Variants in CNTN4 observed in about 807,000 individuals in gnomAD.
The protein encoded by CNTN4 is contactin 4.
Under a neutral mutation model 122.5 loss-of-function variants are expected in CNTN4, and 77 were observed. The ratio of observed to expected loss-of-function variants is 0.63; its 90% CI spans 0.52 to 0.76. The LOEUF is 0.76. CNTN4 is among the 30% of genes least tolerant of loss of function. CNTN4 has a pLI of 0.00. For synonymous variants in CNTN4, 512 were observed against 447.0 expected, an observed-to-expected ratio of 1.15 and a Z score of -1.83; for missense variants, 1,256 against 1,259.1, an observed-to-expected ratio of 1.00 and a Z score of 0.04.
intron 3 of CNTN4, among the ~76,000 whole-genome samples, chr3:2,476,240 C>A (rs1373567642): frequency 6.6e-6 from 1 of 152,156 alleles, no homozygotes; most frequent in Non-Finnish European, 1.5e-5. Flanking sequence ...CTTGCACTTT[C>A]TGATGAAACC....
intron 3 of CNTN4, among the ~76,000 whole-genome samples, chr3:2,501,682 G>C (rs1206024178): frequency 6.6e-6 from 1 of 152,028 alleles, no homozygotes; most frequent in Admixed American, 6.6e-5. Context: ...AAGGACCCCT[G>C]TGATTATATT....
intron 4 of CNTN4, among the ~76,000 whole-genome samples, chr3:2,685,516 A>G (rs1438351675): frequency 6.6e-6 from 1 of 152,194 alleles, no homozygotes; most frequent in Non-Finnish European, 1.5e-5. Flanking sequence ...AAAGACTTAG[A>G]AAAATTGAAG....
At chr3:2,186,988 T>C (rs1275680270) in intron 2 of CNTN4, among the ~76,000 whole-genome samples, 1 of 152,228 alleles carries the variant, frequency 6.6e-6, no homozygotes, top group African/African-American at 2.4e-5. Context: ...GTTTTAGACA[T>C]GAAGTCCTTG....
chr3:2,227,232 A>G (rs1416136173), intron 2 of CNTN4, among the ~76,000 whole-genome samples: 1 of 152,142 alleles, frequency 6.6e-6, no homozygotes, highest in East Asian at 1.9e-4. Context: ...ACATTCCTAT[A>G]TTTTCACTTT....
chr3:2,960,516 T>G (rs2094841855), intron 13 of CNTN4, among the ~76,000 whole-genome samples: 1 of 152,192 alleles, frequency 6.6e-6, no homozygotes, highest in Non-Finnish European at 1.5e-5. Context: ...AATAAAACAT[T>G]TAGACCTGTA....
At chr3:2,280,444 A>T (rs1383260306) in intron 2 of CNTN4, among the ~76,000 whole-genome samples, 1 of 152,206 alleles carries the variant, frequency 6.6e-6, no homozygotes, top group African/African-American at 2.4e-5. Context: ...CAAGTAACAA[A>T]AATCTTAATT....
chr3:2,163,548 C>CAGCA (rs1409344521), intron 2 of CNTN4, among the ~76,000 whole-genome samples: 1 of 151,978 alleles, frequency 6.6e-6, no homozygotes, highest in Non-Finnish European at 1.5e-5. Context: ...AAGAAATAGT[C>CAGCA]AGCAAGTAAA....
chr3:2,442,190 G>A (rs1445164505), intron 3 of CNTN4, among the ~76,000 whole-genome samples: 1 of 152,068 alleles, frequency 6.6e-6, no homozygotes, highest in African/African-American at 2.4e-5. Context: ...CAGTTCCTAT[G>A]TCATTTTGGT....
chr3:2,570,478 T>G (rs1014594843), intron 3 of CNTN4, among the ~76,000 whole-genome samples: 3 of 152,166 alleles, frequency 2.0e-5, no homozygotes, highest in Non-Finnish European at 2.9e-5. Flanking sequence ...CACCTGGCCT[T>G]AAAAAGTATT....
At chr3:2,135,601 C>T (rs1013134140) in intron 2 of CNTN4, among the ~76,000 whole-genome samples, 3 of 152,002 alleles carry the variant, frequency 2.0e-5, no homozygotes, top group Non-Finnish European at 4.4e-5. Flanking sequence ...ATTTCCGAGG[C>T]TGGTAATGGA....
Position 2,584,917 on chromosome 3 carries a change from G to GA in CNTN4, c.55+13359_55+13360insA, listed in dbSNP as rs1559269659. 7.2e-3 allele frequency among the ~76,000 whole-genome samples: 1,082 copies of GA among 151,240 alleles called. 9 individuals carry two copies. The highest frequency in any genetic ancestry group is 0.025 in the African/African-American group (1,028 of 41,058). ...AGTAGGAAGGTAGGTAGGTAGGTAG[G>GA]TAGATAGATAGATAGATAGATAGAT... On this transcript the variant is annotated intron_variant, in intron 4 of 24. Transcript: ENST00000418658.
intron 3 of CNTN4, among the ~76,000 whole-genome samples, chr3:2,430,081 C>T (rs568019148): frequency 8.5e-5 from 13 of 152,090 alleles, no homozygotes; most frequent in African/African-American, 2.7e-4. Flanking sequence ...CTGTCCTGTA[C>T]CCGCTGTCCG....
At chr3:2,564,992 TC>T (rs1364331530) in intron 3 of CNTN4, among the ~76,000 whole-genome samples, 2 of 152,150 alleles carry the variant, frequency 1.3e-5, no homozygotes, top group Non-Finnish European at 2.9e-5. Context: ...ATGGTTAGAA[TC>T]TTCACAAGTG....
intron 10 of CNTN4, among the ~76,000 whole-genome samples, chr3:2,894,702 T>A (rs2094086620): frequency 6.6e-6 from 1 of 151,962 alleles, no homozygotes; most frequent in African/African-American, 2.4e-5. Flanking sequence ...CTTTGAAGAT[T>A]AAAAAAATAA....
At chr3:2,213,046 G>T (rs983839801) in intron 2 of CNTN4, among the ~76,000 whole-genome samples, 1 of 152,124 alleles carries the variant, frequency 6.6e-6, no homozygotes, top group African/African-American at 2.4e-5. Flanking sequence ...CTCAGAATGG[G>T]CATCAATCTC....
chr3:2,583,440 A>G (rs1458231410), intron 4 of CNTN4, among the ~76,000 whole-genome samples: 4 of 152,230 alleles, frequency 2.6e-5, no homozygotes, highest in Admixed American at 2.6e-4. Context: ...AATAGTGAGA[A>G]TGTCTTCCTG....
chr3:2,720,738 T>G (rs1181644578), intron 4 of CNTN4, among the ~76,000 whole-genome samples: 1 of 152,222 alleles, frequency 6.6e-6, no homozygotes, highest in East Asian at 1.9e-4. Flanking sequence ...AAAGACATTT[T>G]GTGTTTACAT....
chr3:2,573,477 C>T (rs532266856), intron 4 of CNTN4, among the ~76,000 whole-genome samples: 36 of 152,296 alleles, frequency 2.4e-4, no homozygotes, highest in African/African-American at 8.2e-4. Flanking sequence ...ATTCGACTGA[C>T]ACTTTAGAGT....
intron 4 of CNTN4, among the ~76,000 whole-genome samples, chr3:2,630,685 A>G (rs755509610): frequency 6.1e-5 from 9 of 147,846 alleles, no homozygotes; most frequent in East Asian, 2.0e-4. Flanking sequence ...GTATATCCCT[A>G]TCTGTTTATT....
Sources: allele counts gnomAD v4.1 joint callset (sites outside exome capture counted in the v4.1 genomes callset), GRCh38; gene constraint gnomAD v4.1.1; transcripts MANE v1.5; gene names NCBI Gene and HGNC (gene_info 2026-07-23, HGNC 2026-07-21).